Variants in ITPR1 observed in about 807,000 individuals in gnomAD.
ITPR1 encodes the protein inositol 1,4,5-trisphosphate receptor type 1.
A neutral mutation model predicts 318.4 loss-of-function variants in ITPR1; 96 were observed. That is an observed-to-expected ratio of 0.30 (90% CI 0.26 to 0.36). ITPR1 has a LOEUF of 0.36. Among genes scored for constraint, ITPR1 ranks in the 10% least tolerant of loss-of-function variants. The probability of loss-of-function intolerance (pLI) is 1.00; values close to 1 mark genes in which losing one functional copy is unlikely to be tolerated. For missense variants in ITPR1, 2,440 were observed against 3,460.2 expected, an observed-to-expected ratio of 0.71 and a Z score of 7.40; for synonymous variants, 1,312 against 1,289.9, an observed-to-expected ratio of 1.02 and a Z score of -0.37.
At chr3:4,621,978 T>A (rs1400977571) in intron 4 of ITPR1, among the ~76,000 whole-genome samples, 2 of 152,190 alleles carry the variant, frequency 1.3e-5, no homozygotes, top group Non-Finnish European at 2.9e-5. Context: ...TCCATAGTAC[T>A]TCTAACTTGC....
intron 4 of ITPR1, among the ~76,000 whole-genome samples, chr3:4,563,471 T>TGCACTCCA: frequency 6.6e-6 from 1 of 152,256 alleles, no homozygotes; most frequent in South Asian, 2.1e-4. Context: ...ATCATACCAC[T>TGCACTCCA]GCACTCCAGC....
At chr3:4,596,753 T>A (rs952591976) in intron 4 of ITPR1, among the ~76,000 whole-genome samples, 1 of 152,202 alleles carries the variant, frequency 6.6e-6, no homozygotes. Context: ...CTTTCATTTG[T>A]ATACCCTGGC....
rs549630524 is a variant in ITPR1, at chr3:4,541,779, C to T, written c.163+20685C>T. On this transcript the variant is annotated intron_variant, in intron 4 of 61. Coordinates refer to ENST00000649015, the MANE Select transcript of ITPR1 (RefSeq NM_001378452.1). The stretch of plus-strand genomic sequence containing the variant: ...TAGCTGGGACTACCAGCACGTGCCA[C>T]CATGCCCAGCTAATTTTTGTATTTT... Among the ~76,000 whole-genome samples the T allele has an allele frequency of 1.1e-4, 16 of 152,272 alleles. No homozygotes were observed. In the South Asian group the frequency reaches 3.3e-3, roughly 32 times the overall value.
intron 17 of ITPR1, 52 bp downstream of exon 17, chr3:4,665,348 T>A (rs1205412768): frequency 3.9e-6 from 6 of 1,545,244 alleles, no homozygotes; most frequent in Non-Finnish European, 5.3e-6. Flanking sequence ...CCCTGAAGTT[T>A]GTGAACTTTC....
At chr3:4,796,056 CCA>C (rs775378881) in intron 53 of ITPR1, among the ~76,000 whole-genome samples, 4 of 152,158 alleles carry the variant, frequency 2.6e-5, no homozygotes, top group African/African-American at 4.8e-5. Context: ...AGCCCAAAAA[CCA>C]CACAGGAGTA....
At chr3:4,748,345 A>G (rs531847408) in intron 44 of ITPR1, among the ~76,000 whole-genome samples, 1 of 152,364 alleles carries the variant, frequency 6.6e-6, no homozygotes, top group East Asian at 1.9e-4. Flanking sequence ...GGGTGGGAAC[A>G]GGCTGCACTG....
In ITPR1 at chr3:4,794,778, C is replaced by T. The variant is rs2270748; in HGVS notation, c.6809-287C>T. 0.5 allele frequency among the ~76,000 whole-genome samples: 75,283 copies of T among 152,050 alleles called. 19,285 individuals carry two copies. The highest frequency in any genetic ancestry group is 0.88 in the East Asian group (4,567 of 5,172). On this transcript the variant is annotated intron_variant, in intron 52 of 61. Transcript: ENST00000649015. ...CCCCAGATTCCGCAACTGATGGCTG[C>T]GGCTGGGGTATGCAGGGTTTATAGA...
chr3:4,607,021 T>G (rs1462029346), intron 4 of ITPR1, among the ~76,000 whole-genome samples: 1 of 152,136 alleles, frequency 6.6e-6, no homozygotes, highest in Non-Finnish European at 1.5e-5. Context: ...AGTCTGACAT[T>G]CCTGGCTAAT....
intron 4 of ITPR1, among the ~76,000 whole-genome samples, chr3:4,605,322 A>G (rs1057142220): frequency 1.3e-5 from 2 of 152,158 alleles, no homozygotes; most frequent in East Asian, 1.9e-4. Context: ...GAGAACAGCT[A>G]TAAAAAACAT....
chr3:4,565,741 T>A (rs1170069241), intron 4 of ITPR1, among the ~76,000 whole-genome samples: 2 of 152,192 alleles, frequency 1.3e-5, no homozygotes, highest in African/African-American at 2.4e-5. Context: ...CTATGCTAAG[T>A]GGAAATGTGA....
chr3:4,686,478 G>C (rs977804965), intron 30 of ITPR1, among the ~76,000 whole-genome samples: 2 of 152,312 alleles, frequency 1.3e-5, no homozygotes, highest in Non-Finnish European at 2.9e-5. Context: ...TAAGGAACGC[G>C]AGGGGGTCAT....
At chr3:4,740,134 G>A (rs2043594512) in intron 44 of ITPR1, among the ~76,000 whole-genome samples, 1 of 152,144 alleles carries the variant, frequency 6.6e-6, no homozygotes, top group Admixed American at 6.5e-5. Context: ...GAGGGTACAT[G>A]TATAAAAAGA....
In ITPR1 at chr3:4,662,983, C is replaced by T. The variant is rs1409971683; in HGVS notation, c.1413-82C>T. On this transcript the variant is annotated intron_variant, in intron 15 of 61. Coordinates refer to ENST00000649015, the MANE Select transcript of ITPR1 (RefSeq NM_001378452.1). The stretch of plus-strand genomic sequence containing the variant: ...TCTGCCCCTGTTTAACTGGCTCATT[C>T]GTCCAGAAGGCTTCCAAGGCAAAGC... The T allele has an allele frequency of 3.0e-5, 39 of 1,282,484 alleles. No individual in the cohort carries two copies. The East Asian group carries it at 6.0e-4, about 20-fold the overall frequency. 79.4% of individuals were successfully genotyped at this position (1,282,484 alleles called of 1,614,324 possible). A position where few individuals can be genotyped will look rare whatever the true frequency, so the allele number is the denominator to read the frequency against.
intron 33 of ITPR1, among the ~76,000 whole-genome samples, chr3:4,696,387 G>T (rs541417295): frequency 1.3e-5 from 2 of 152,236 alleles, no homozygotes; most frequent in Admixed American, 1.3e-4. Context: ...ACTGGATTTT[G>T]TCACCTACAT....
chr3:4,660,966 A>G (rs1485741865), intron 13 of ITPR1, 22 bp from the exon 14 acceptor site: 2 of 1,305,548 alleles, frequency 1.5e-6, no homozygotes, highest in Non-Finnish European at 2.2e-6. Flanking sequence ...TTTCCCTAAA[A>G]CCCTCCTTTT....
chr3:4,582,154 T>C (rs2089416975), intron 4 of ITPR1, among the ~76,000 whole-genome samples: 2 of 152,284 alleles, frequency 1.3e-5, no homozygotes, highest in Admixed American at 6.5e-5. Context: ...GCCAGTCTTA[T>C]CAAACTGGCA....
intron 24 of ITPR1, among the ~76,000 whole-genome samples, chr3:4,679,555 C>G (rs746381904): frequency 6.6e-6 from 1 of 152,202 alleles, no homozygotes; most frequent in Non-Finnish European, 1.5e-5. Flanking sequence ...TTTGCTCTAT[C>G]CAGGCCCTCC....
chr3:4,836,956 C>T (rs764588687), intron 61 of ITPR1, 21 bp downstream of exon 61: 59 of 1,553,622 alleles, frequency 3.8e-5, no homozygotes, highest in East Asian at 3.4e-4. Flanking sequence ...AAAATCCCAG[C>T]GCCTACCCTC....
chr3:4,523,093 T>C (rs1167609154), intron 4 of ITPR1, among the ~76,000 whole-genome samples: 1 of 152,220 alleles, frequency 6.6e-6, no homozygotes, highest in Non-Finnish European at 1.5e-5. Context: ...TGAACTTTGT[T>C]ATTCAGGGAA....
Sources: gnomAD v4.1 joint callset for allele counts (sites outside exome capture counted in the v4.1 genomes callset) on GRCh38, gnomAD v4.1.1 for gene constraint, MANE v1.5 for transcripts, NCBI Gene and HGNC (gene_info 2026-07-23, HGNC 2026-07-21) for gene names.